Variants in PDS5A observed in about 807,000 individuals in gnomAD.
PDS5A encodes the protein sister chromatid cohesion protein PDS5 homolog A.
A neutral mutation model predicts 167.1 loss-of-function variants in PDS5A; 42 were observed. The observed-to-expected ratio is 0.25, with a 90% CI of 0.20 to 0.33. The LOEUF (loss-of-function observed/expected upper bound fraction) is 0.33. PDS5A is among the 10% of genes least tolerant of loss of function. The pLI, the probability that PDS5A is intolerant of heterozygous loss-of-function variation, is 1.00. For missense variants in PDS5A, 1,033 were observed against 1,605.9 expected (o/e 0.64, Z 6.10); for synonymous variants, 553 against 554.6 (o/e 1.00, Z 0.04).
chr4:39,960,018 G>A (rs1729326809), intron 2 of PDS5A, among the ~76,000 whole-genome samples: 2 of 152,106 alleles, frequency 1.3e-5, no homozygotes, highest in Admixed American at 1.3e-4. Flanking sequence ...GCTTGAAACT[G>A]GGAGGTGGAG....
chr4:39,881,907 T>C (rs1720964841), intron 17 of PDS5A, among the ~76,000 whole-genome samples: 1 of 152,212 alleles, frequency 6.6e-6, no homozygotes, highest in African/African-American at 2.4e-5. Context: ...CTCCATATTG[T>C]TCTTGTGGTA....
intron 19 of PDS5A, 60 bp from the exon 20 acceptor site, chr4:39,874,472 T>C: frequency 2.1e-6 from 3 of 1,427,956 alleles, no homozygotes; most frequent in African/African-American, 1.4e-5. Flanking sequence ...AAGTATTCCT[T>C]TGGTTGACTT....
intron 26 of PDS5A, among the ~76,000 whole-genome samples, chr4:39,852,643 A>G (rs1167982737): frequency 6.6e-6 from 1 of 152,140 alleles, no homozygotes; most frequent in African/African-American, 2.4e-5. Context: ...GAGTGAGTTC[A>G]GCTTCTATCA....
intron 26 of PDS5A, among the ~76,000 whole-genome samples, chr4:39,850,912 T>G (rs2109519492): frequency 6.6e-6 from 1 of 152,376 alleles, no homozygotes; most frequent in East Asian, 1.9e-4. Context: ...GACTACTGCA[T>G]TCCTGCATCA....
At chr4:39,926,925 T>G in intron 3 of PDS5A, 64 bp from the exon 4 acceptor site, 3 of 1,231,646 alleles carry the variant, frequency 2.4e-6, no homozygotes, top group Non-Finnish European at 3.2e-6. Context: ...ACACTAATAG[T>G]ATGTAACTTT....
Position 39,970,790 on chromosome 4 carries a change from C to CCTTTT in PDS5A, c.138+5649_138+5650insAAAAG, listed in dbSNP as rs1553911026. The stretch of plus-strand genomic sequence containing the variant: ...GGTTCCACTGTAAAACCGCTTGTTC[C>CCTTTT]TTTTTTTTTTTTTTTTTTTTTTTTT... On this transcript the variant is annotated intron_variant, in intron 2 of 32. Coordinates refer to ENST00000303538, the MANE Select transcript of PDS5A (RefSeq NM_001100399.2). Among the ~76,000 whole-genome samples, 5 of 88,496 alleles carry CCTTTT rather than the reference C, an allele frequency of 5.6e-5. No homozygotes were observed. In the East Asian group the frequency reaches 1.2e-3, roughly 21 times the overall value. The allele number at this position is 88,496 out of a possible 152,430, so 58.1% of individuals were successfully genotyped here. A position where few individuals can be genotyped will look rare whatever the true frequency, so the allele number is the denominator to read the frequency against.
rs779093536 is a variant in PDS5A, at chr4:39,844,779, C to A, written c.3425G>T (p.Gly1142Val). Residue 1142 changes from glycine to valine, a missense_variant, in exon 30 of 33, where the codon GGT becomes GTT. Transcript: ENST00000303538. ...TGCTGATAAAGGCTTATTTACTGCACCTAGTACTCCAGCAGGCTTTGGCTA... is the reference window on the plus strand; with the variant it reads ...TGCTGATAAAGGCTTATTTACTGCAACTAGTACTCCAGCAGGCTTTGGCTA... ...TGKPKPAGVL[G>V]AVNKPLSATG... 12 of 1,608,162 alleles carry A rather than the reference C, an allele frequency of 7.5e-6. No individual in the cohort carries two copies. Among genetic ancestry groups the A allele is most frequent in the Non-Finnish European group, 1.0e-5 (12 of 1,178,480 alleles).
At position 39,824,792 on chromosome 4, in the gene PDS5A, A is replaced by C. The variant is rs996149267; in HGVS notation, c.*693T>G. The C allele has an allele frequency of 6.6e-6, 1 of 152,620 alleles. No individual in the cohort carries two copies. Among genetic ancestry groups the C allele is most frequent in the Non-Finnish European group, 1.5e-5 (1 of 68,036 alleles). 9.5% of individuals were successfully genotyped at this position (152,620 alleles called of 1,614,324 possible). A position where few individuals can be genotyped will look rare whatever the true frequency, so the allele number is the denominator to read the frequency against. On this transcript the variant is annotated 3_prime_UTR_variant, in exon 33 of 33. Transcript: ENST00000303538. ...TAAAATGAGGGGAAATCAAAATATGAACTGTTTACTACTTGCAAATCAATA... is the reference window on the plus strand; with the variant it reads ...TAAAATGAGGGGAAATCAAAATATGCACTGTTTACTACTTGCAAATCAATA...
In PDS5A at chr4:39,898,425, G is replaced by C; in HGVS notation, c.1734C>G (p.Ser578Arg). ...KLRSQLELLI[S>R]PTCSCKQADI... ...CTGCTTGTTTGCAAGAACAGGTTGG[G>C]CTAATTAATAACTCCAACTGAGACC... The change falls in exon 16 of 33, where the codon AGC becomes AGG. Residue 578 changes from serine to arginine, a missense_variant. This residue lies in a region of PDS5A where 367 missense variants were observed against 686.7 expected (regional missense o/e 0.53). Transcript: ENST00000303538. The C allele has an allele frequency of 6.3e-7, 1 of 1,588,518 alleles. No individual in the cohort carries two copies. Among genetic ancestry groups the C allele is most frequent in the Non-Finnish European group, 8.6e-7 (1 of 1,166,234 alleles).
chr4:39,926,683 A>G (rs1353543937), intron 4 of PDS5A, 92 bp downstream of exon 4: 19 of 898,774 alleles, frequency 2.1e-5, no homozygotes, highest in Non-Finnish European at 2.8e-5. Flanking sequence ...TTTGAATAAA[A>G]TAAACACTCA....
intron 9 of PDS5A, 107 bp downstream of exon 9, chr4:39,913,504 C>G: frequency 1.6e-6 from 1 of 624,462 alleles, no homozygotes; most frequent in South Asian, 2.1e-5. Context: ...GACAATGAAA[C>G]CAACATCTAT....
At position 39,971,510 on chromosome 4, in the gene PDS5A, T is replaced by C. The variant is rs1173931385; in HGVS notation, c.138+4930A>G. 5.9e-5 allele frequency among the ~76,000 whole-genome samples: 9 copies of C among 152,190 alleles called. No homozygotes were observed. In the East Asian group the frequency reaches 1.7e-3, roughly 29 times the overall value. The stretch of plus-strand genomic sequence containing the variant: ...AGTCTCACTCTGCTGTCACCCAGGC[T>C]ATAGTGCAGTGGCATAATGCCTCAC... On this transcript the variant is annotated intron_variant, in intron 2 of 32. Transcript: ENST00000303538.
intron 2 of PDS5A, among the ~76,000 whole-genome samples, chr4:39,930,246 A>AAAAAAAAAAAAAAATTTTTT: frequency 1.3e-4 from 12 of 93,164 alleles, no homozygotes; most frequent in South Asian, 4.4e-4. Flanking sequence ...AAAAAAAAAA[A>AAAAAAAAAAAAAAATTTTTT]GTTTTTTTGT....
intron 5 of PDS5A, among the ~76,000 whole-genome samples, chr4:39,923,311 G>C (rs1306938098): frequency 7.6e-6 from 1 of 132,142 alleles, no homozygotes; most frequent in Non-Finnish European, 1.6e-5. Context: ...CTGGGCAACA[G>C]AGTGAGACTT....
At chr4:39,876,450 C>A (rs1337510415) in intron 19 of PDS5A, among the ~76,000 whole-genome samples, 1 of 152,166 alleles carries the variant, frequency 6.6e-6, no homozygotes, top group Admixed American at 6.6e-5. Flanking sequence ...ATACTCTGAA[C>A]TAATTGCCAA....
chr4:39,943,622 A>C (rs1168741911), intron 2 of PDS5A, among the ~76,000 whole-genome samples: 14 of 3,434 alleles, frequency 4.1e-3, no homozygotes, highest in Non-Finnish European at 7.3e-3. Flanking sequence ...CGTTTCTACA[A>C]AAAAAAAAAA....
chr4:39,884,138 A>G (rs1721205782), intron 17 of PDS5A, among the ~76,000 whole-genome samples: 3 of 151,210 alleles, frequency 2.0e-5, no homozygotes, highest in Admixed American at 2.0e-4. Context: ...CATGTTGGTC[A>G]GGCTAGTCTC....
chr4:39,903,641 T>C (rs1723063215), intron 12 of PDS5A, among the ~76,000 whole-genome samples: 1 of 152,254 alleles, frequency 6.6e-6, no homozygotes, highest in Admixed American at 6.5e-5. Flanking sequence ...TTTATATTCA[T>C]TATTTTATTT....
intron 12 of PDS5A, among the ~76,000 whole-genome samples, chr4:39,903,123 C>T: frequency 6.6e-6 from 1 of 152,218 alleles, no homozygotes; most frequent in Non-Finnish European, 1.5e-5. Context: ...AAGCTATGAT[C>T]CGCGGTAGAG....
Sources: allele counts gnomAD v4.1 joint callset (sites outside exome capture counted in the v4.1 genomes callset), GRCh38; gene constraint gnomAD v4.1.1; regional missense constraint gnomAD v4.1.1; transcripts MANE v1.5; gene names NCBI Gene and HGNC (gene_info 2026-07-23, HGNC 2026-07-21).